Variants in LRP1B observed in about 807,000 individuals in gnomAD.
The protein encoded by LRP1B is low-density lipoprotein receptor-related protein 1B.
Under a neutral mutation model 556.6 loss-of-function variants are expected in LRP1B, and 217 were observed. That is an observed-to-expected ratio of 0.39 (90% confidence interval 0.35 to 0.44). The LOEUF is 0.44. LRP1B is among the 20% of genes least tolerant of loss of function. LRP1B has a pLI of 1.00. For synonymous variants in LRP1B, 2,047 were observed against 1,865.8 expected, an observed-to-expected ratio of 1.10 and a Z score of -2.50; for missense variants, 5,053 against 5,620.8, an observed-to-expected ratio of 0.90 and a Z score of 3.23.
chr2:140,989,846 T>C (rs1697037236), intron 16 of LRP1B, among the ~76,000 whole-genome samples, 189 bp from the exon 17 acceptor site: 1 of 152,148 alleles, frequency 6.6e-6, no homozygotes. Context: ...AATGCTTTTA[T>C]AAAAAACATC....
chr2:141,814,348 C>G (rs1434618634), intron 1 of LRP1B, among the ~76,000 whole-genome samples: 1 of 152,074 alleles, frequency 6.6e-6, no homozygotes, highest in Non-Finnish European at 1.5e-5. Context: ...GAGGACCTGC[C>G]CTAACTGCCT....
At chr2:141,188,108 C>T (rs1681340270) in intron 7 of LRP1B, among the ~76,000 whole-genome samples, 1 of 151,924 alleles carries the variant, frequency 6.6e-6, no homozygotes, top group African/African-American at 2.4e-5. Context: ...TAAAAAGTTT[C>T]CTCTCTTTAA....
At chr2:141,455,512 T>C (rs1190633677) in intron 3 of LRP1B, among the ~76,000 whole-genome samples, 1 of 152,098 alleles carries the variant, frequency 6.6e-6, no homozygotes, top group African/African-American at 2.4e-5. Context: ...TCATTTTTTT[T>C]TTCTTTTGGT....
At position 140,840,993 on chromosome 2, in the gene LRP1B, A is replaced by G. The variant is rs769132897; in HGVS notation, c.5039T>C (p.Leu1680Pro). 6.2e-7 allele frequency: 1 copy of G among 1,613,500 alleles called. No individual in the cohort carries two copies. Among genetic ancestry groups the G allele is most frequent in the African/African-American group, 1.3e-5 (1 of 74,898 alleles). ...FDETQINVAR[L>P]DGSLKTSIIH... ...AATTGAGGTTTTCAAAGAGCCATCT[A>G]GCCTTGCCACATTAATTTGCGTTTC... The change falls in exon 30 of 91, where the codon CTA becomes CCA. Residue 1680 changes from leucine (L) to proline (P), a missense_variant. Around this residue, in one of 5 missense-constraint regions of LRP1B, gnomAD observed 3,619 missense variants for 3,931.9 expected, o/e 0.92. Transcript: ENST00000389484.
chr2:140,635,861 G>T (rs1333014573), intron 41 of LRP1B, among the ~76,000 whole-genome samples: 1 of 152,064 alleles, frequency 6.6e-6, no homozygotes, highest in Non-Finnish European at 1.5e-5. Context: ...TCCTGAAGTT[G>T]AGTGAAATAA....
intron 2 of LRP1B, among the ~76,000 whole-genome samples, chr2:141,788,544 TA>T (rs1272691948): frequency 6.6e-6 from 1 of 152,090 alleles, no homozygotes; most frequent in East Asian, 1.9e-4. Context: ...ATTTTATTTT[TA>T]TTATACTTTA....
At chr2:141,383,222 T>C (rs1383052996) in intron 3 of LRP1B, among the ~76,000 whole-genome samples, 12 of 152,054 alleles carry the variant, frequency 7.9e-5, no homozygotes. Flanking sequence ...AGATGATAAG[T>C]GTTAATGGAG....
chr2:141,756,117 AATT>A (rs1202991974), intron 2 of LRP1B, among the ~76,000 whole-genome samples: 3 of 152,066 alleles, frequency 2.0e-5, no homozygotes, highest in Non-Finnish European at 2.9e-5. Context: ...ATTCCCTATT[AATT>A]ATTGTCTCCC....
intron 1 of LRP1B, among the ~76,000 whole-genome samples, chr2:142,075,380 C>G (rs761713418): frequency 2.0e-5 from 3 of 151,934 alleles, no homozygotes; most frequent in Admixed American, 6.6e-5. Flanking sequence ...TTTGAGGGAA[C>G]AAACAAGAGT....
chr2:140,738,816 G>A (rs1688037209), intron 35 of LRP1B, among the ~76,000 whole-genome samples: 3 of 152,126 alleles, frequency 2.0e-5, no homozygotes, highest in Admixed American at 2.0e-4. Flanking sequence ...ATGTGGATGA[G>A]CCAAGTATAG....
chr2:140,268,800 AAAG>A (rs1682323449), intron 86 of LRP1B, among the ~76,000 whole-genome samples: 2 of 151,884 alleles, frequency 1.3e-5, no homozygotes, highest in African/African-American at 4.8e-5. Flanking sequence ...AGACTGTAAA[AAAG>A]GTCTTACTCT....
intron 87 of LRP1B, among the ~76,000 whole-genome samples, chr2:140,245,278 A>C (rs1333275031): frequency 6.6e-6 from 1 of 151,274 alleles, no homozygotes; most frequent in Admixed American, 6.6e-5. Context: ...AGTTTCTTAC[A>C]TTTGCCCATA....
chr2:141,243,071 A>T (rs1226715320), intron 5 of LRP1B, among the ~76,000 whole-genome samples: 1 of 152,074 alleles, frequency 6.6e-6, no homozygotes, highest in African/African-American at 2.4e-5. Flanking sequence ...CTCAAAAAAT[A>T]TATCAAAATG....
At chr2:140,473,261 A>G (rs1687841670) in intron 60 of LRP1B, among the ~76,000 whole-genome samples, 1 of 152,020 alleles carries the variant, frequency 6.6e-6, no homozygotes, top group African/African-American at 2.4e-5. Flanking sequence ...ATTTTTCACT[A>G]GTCTTTCTGA....
chr2:141,861,693 G>T (rs1698243759), intron 1 of LRP1B, among the ~76,000 whole-genome samples: 1 of 152,156 alleles, frequency 6.6e-6, no homozygotes, highest in Admixed American at 6.5e-5. Context: ...ACTTTGGGAG[G>T]CCGTAGCGGG....
intron 2 of LRP1B, among the ~76,000 whole-genome samples, chr2:141,604,212 T>C (rs1687841644): frequency 6.6e-6 from 1 of 152,152 alleles, no homozygotes; most frequent in African/African-American, 2.4e-5. Context: ...GAAACTATTA[T>C]ATAAATTTTA....
chr2:141,709,330 C>G (rs1481574057), intron 2 of LRP1B, among the ~76,000 whole-genome samples: 1 of 140,844 alleles, frequency 7.1e-6, no homozygotes, highest in Non-Finnish European at 1.5e-5. Flanking sequence ...GCCTGGGCAA[C>G]AGAGTGAGAT....
intron 20 of LRP1B, among the ~76,000 whole-genome samples, chr2:140,923,887 A>G (rs958822082): frequency 2.6e-5 from 4 of 152,000 alleles, no homozygotes; most frequent in African/African-American, 9.6e-5. Flanking sequence ...GAAAATATAA[A>G]TGTTGGGATA....
At chr2:140,574,884 GTAA>G (rs2105116890) in intron 43 of LRP1B, among the ~76,000 whole-genome samples, 1 of 152,288 alleles carries the variant, frequency 6.6e-6, no homozygotes, top group African/African-American at 2.4e-5. Context: ...GGTGTTAAGT[GTAA>G]TATGTGATAA....
Sources: allele counts gnomAD v4.1 joint callset (sites outside exome capture counted in the v4.1 genomes callset), GRCh38; gene constraint gnomAD v4.1.1; regional missense constraint gnomAD v4.1.1; transcripts MANE v1.5; gene names NCBI Gene and HGNC (gene_info 2026-07-23, HGNC 2026-07-21).